EYA2: variants seen among roughly 807,000 people sequenced by gnomAD.
EYA2 encodes EYA transcriptional coactivator and phosphatase 2.
Under a neutral mutation model 69.2 loss-of-function variants are expected in EYA2, and 31 were observed. That is an observed-to-expected ratio of 0.45 (90% CI 0.34 to 0.60). EYA2 has a LOEUF of 0.60. Ranked by LOEUF, EYA2 falls within the 20% of genes least tolerant of loss-of-function variation. The pLI, the probability that EYA2 is intolerant of heterozygous loss-of-function variation, is 0.02. For missense variants in EYA2, 622 were observed against 701.2 expected (o/e 0.89, Z 1.28); for synonymous variants, 257 against 279.4 (o/e 0.92, Z 0.80).
intron 5 of EYA2, among the ~76,000 whole-genome samples, chr20:47,044,153 C>A (rs1286130512): frequency 6.6e-6 from 1 of 152,222 alleles, no homozygotes; most frequent in East Asian, 1.9e-4. Flanking sequence ...CCATTCACAT[C>A]AAAGTCATCA....
intron 5 of EYA2, among the ~76,000 whole-genome samples, chr20:47,052,270 G>A (rs2030379421): frequency 6.6e-6 from 1 of 152,214 alleles, no homozygotes; most frequent in Non-Finnish European, 1.5e-5. Flanking sequence ...GGAGTTGGGG[G>A]GAGCATGGGG....
chr20:47,140,856 T>C (rs80179188), intron 9 of EYA2, among the ~76,000 whole-genome samples: 1,999 of 152,270 alleles, frequency 0.013, 52 homozygotes, highest in East Asian at 0.091. Flanking sequence ...GGTGAGGGCC[T>C]CAAGCTGCTT....
chr20:47,102,842 C>G (rs2032462303), intron 9 of EYA2, among the ~76,000 whole-genome samples: 2 of 152,160 alleles, frequency 1.3e-5, no homozygotes, highest in Admixed American at 1.3e-4. Flanking sequence ...CTTTCCTAAC[C>G]CCTCCCTTCC....
chr20:46,919,065 G>C (rs147155084), intron 1 of EYA2, among the ~76,000 whole-genome samples: 1 of 152,320 alleles, frequency 6.6e-6, no homozygotes, highest in African/African-American at 2.4e-5. Context: ...AGCCTAAAAT[G>C]TTCAGCAAAC....
intron 5 of EYA2, among the ~76,000 whole-genome samples, chr20:47,022,602 C>CTG (rs1983819815): frequency 6.6e-6 from 1 of 150,844 alleles, no homozygotes; most frequent in South Asian, 2.1e-4. Flanking sequence ...GCATGAGCCA[C>CTG]TGTGCTCAGC....
At chr20:46,958,344 G>A (rs116699804) in intron 1 of EYA2, among the ~76,000 whole-genome samples, 3,594 of 152,030 alleles carry the variant, frequency 0.024, 96 homozygotes, top group African/African-American at 0.065. Context: ...CTCATTTCTC[G>A]CCAACTGAGC....
chr20:46,903,625 G>A (rs1984221060), intron 1 of EYA2, among the ~76,000 whole-genome samples: 1 of 152,152 alleles, frequency 6.6e-6, no homozygotes, highest in Non-Finnish European at 1.5e-5. Flanking sequence ...ACTTTTCGGT[G>A]CCTCAGTTTC....
At chr20:47,163,299 G>T (rs2034108626) in intron 10 of EYA2, among the ~76,000 whole-genome samples, 1 of 152,034 alleles carries the variant, frequency 6.6e-6, no homozygotes, top group Non-Finnish European at 1.5e-5. Context: ...CCAAAGTGCT[G>T]GGATTACAGA....
rs1980513932 is a variant in EYA2, at chr20:46,977,173, G to T, written c.-10-12828G>T. On this transcript the variant is annotated intron_variant, in intron 1 of 15. Transcript: ENST00000327619. ...GTACTGTATATTTTAATGAAGGTGT[G>T]TGGGTGTTTGTGTTTATAAGCTATT... Among the ~76,000 whole-genome samples, 5 of 152,238 alleles carry T rather than the reference G, an allele frequency of 3.3e-5. No individual in the cohort carries two copies. In the South Asian group the frequency reaches 8.3e-4, roughly 25 times the overall value.
chr20:46,897,787 C>T (rs576177795), intron 1 of EYA2, among the ~76,000 whole-genome samples: 2 of 152,266 alleles, frequency 1.3e-5, no homozygotes, highest in Non-Finnish European at 1.5e-5. Context: ...TAAGTATCCA[C>T]GCACATGATC....
chr20:47,172,753 G>A lies in EYA2; in HGVS notation c.1084G>A (p.Ala362Thr). 6.2e-7 allele frequency: 1 copy of A among 1,614,110 alleles called. No homozygotes were observed. The highest frequency in any genetic ancestry group is 1.3e-5 in the African/African-American group (1 of 75,064). Residue 362 changes from alanine (A) to threonine (T), a missense_variant, in exon 12 of 16, where the codon GCC becomes ACC. By Grantham distance (58) the Ala-to-Thr change is moderately conservative (BLOSUM62 0). Around this residue, in one of 2 missense-constraint regions of EYA2, gnomAD observed 257 missense variants for 351.5 expected, o/e 0.73. Transcript: ENST00000327619. ...CGGCTTCCACAGTTCGGCCCCAGGA[G>A]CCAACCTGTGCCTGGGCTCTGGCGT... is the stretch of plus-strand genomic sequence containing the variant. ...ADGFHSSAPG[A>T]NLCLGSGVHG...
chr20:47,140,341 C>T (rs1470307750), intron 9 of EYA2, among the ~76,000 whole-genome samples: 2 of 152,134 alleles, frequency 1.3e-5, no homozygotes, highest in African/African-American at 4.8e-5. Context: ...GCTCTCGGGG[C>T]CTTGATGAAG....
rs555036434 is a variant in EYA2, at chr20:47,033,124, G to A, written c.415+16827G>A. Among the ~76,000 whole-genome samples the A allele has an allele frequency of 3.4e-4, 52 of 152,308 alleles. No homozygotes were observed. The South Asian group carries it at 0.011, about 32-fold the overall frequency. On this transcript the variant is annotated intron_variant, in intron 5 of 15. Coordinates refer to ENST00000327619, the MANE Select transcript of EYA2 (RefSeq NM_005244.5). ...ATAGCTCAGGGCCATCCCAGCTGCT[G>A]CTGCAGGTGAGCCCTAGCCGGCTGC... is the stretch of plus-strand genomic sequence containing the variant.
intron 10 of EYA2, among the ~76,000 whole-genome samples, chr20:47,156,646 A>C (rs1323412319): frequency 6.6e-6 from 1 of 151,932 alleles, no homozygotes; most frequent in Admixed American, 6.5e-5. Flanking sequence ...ACTCTCTCCA[A>C]AGCATCCTGC....
intron 10 of EYA2, among the ~76,000 whole-genome samples, chr20:47,163,014 G>A (rs1180311015): frequency 6.7e-6 from 1 of 149,892 alleles, no homozygotes; most frequent in African/African-American, 2.5e-5. Context: ...TATATACATG[G>A]CATCATACTG....
chr20:47,118,043 G>A (rs1056352317), intron 9 of EYA2, among the ~76,000 whole-genome samples: 23 of 152,220 alleles, frequency 1.5e-4, no homozygotes, highest in African/African-American at 3.4e-4. Context: ...GCTCTGAAAC[G>A]GAGAGGAAGC....
At chr20:46,922,962 C>G (rs6012078) in intron 1 of EYA2, among the ~76,000 whole-genome samples, 21,403 of 152,122 alleles carry the variant, frequency 0.14, 2,230 homozygotes, top group East Asian at 0.48. Flanking sequence ...TGACCCGAAT[C>G]TAATAAGAAA....
intron 5 of EYA2, among the ~76,000 whole-genome samples, chr20:47,038,022 G>T (rs1488031465): frequency 6.6e-6 from 1 of 152,184 alleles, no homozygotes; most frequent in Non-Finnish European, 1.5e-5. Flanking sequence ...TGACAAAACA[G>T]ATAAAAACTG....
chr20:47,143,181 C>A, intron 10 of EYA2, 33 bp downstream of exon 10: 1 of 1,545,406 alleles, frequency 6.5e-7, no homozygotes, highest in South Asian at 1.1e-5. Flanking sequence ...TAATATTTGC[C>A]ATGTTTAATC....
Sources: allele counts gnomAD v4.1 joint callset (sites outside exome capture counted in the v4.1 genomes callset), GRCh38; gene constraint gnomAD v4.1.1; regional missense constraint gnomAD v4.1.1; transcripts MANE v1.5; gene names NCBI Gene and HGNC (gene_info 2026-07-23, HGNC 2026-07-21).